The following PCDH15 variants were observed in gnomAD, a reference collection of about 807,000 sequenced individuals.
PCDH15 encodes protocadherin-15.
In PCDH15, 129 loss-of-function variants were observed where a neutral mutation model predicts 178.5. The ratio of observed to expected loss-of-function variants is 0.72; its 90% CI spans 0.63 to 0.84. PCDH15 has a LOEUF of 0.84. Among genes scored for constraint, PCDH15 ranks in the 40% least tolerant of loss-of-function variants. The pLI is 0.00. For missense variants in PCDH15, 2,230 were observed against 2,099.9 expected (o/e 1.06, Z -1.21); for synonymous variants, 800 against 732.0 (o/e 1.09, Z -1.50).
At chr10:54,309,588 G>A (rs1256130142) in intron 8 of PCDH15, among the ~76,000 whole-genome samples, 1 of 152,062 alleles carries the variant, frequency 6.6e-6, no homozygotes, top group East Asian at 1.9e-4. Flanking sequence ...GAGGTCAGGA[G>A]TTCGAGATCA....
At chr10:55,194,798 G>A (rs1029865319) in intron 1 of PCDH15, among the ~76,000 whole-genome samples, 2 of 151,598 alleles carry the variant, frequency 1.3e-5, no homozygotes, top group South Asian at 2.1e-4. Context: ...GTATGAATGA[G>A]AAGCACTACT....
intron 2 of PCDH15, among the ~76,000 whole-genome samples, chr10:55,586,386 C>A (rs1842727746): frequency 1.3e-5 from 2 of 151,884 alleles, no homozygotes; most frequent in South Asian, 4.2e-4. Context: ...AGAATAAATG[C>A]AAGCTACCAG....
intron 13 of PCDH15, among the ~76,000 whole-genome samples, chr10:54,174,186 T>C (rs2047185910): frequency 1.3e-5 from 2 of 152,006 alleles, no homozygotes; most frequent in Admixed American, 1.3e-4. Flanking sequence ...ACATAAATAA[T>C]ACTCATAGAA....
At chr10:55,178,075 T>G (rs1252383914) in intron 1 of PCDH15, among the ~76,000 whole-genome samples, 1 of 152,186 alleles carries the variant, frequency 6.6e-6, no homozygotes, top group Non-Finnish European at 1.5e-5. Context: ...TCCATGCCCA[T>G]GCCAATATCT....
intron 13 of PCDH15, among the ~76,000 whole-genome samples, chr10:54,175,688 C>A (rs1337552342): frequency 1.3e-5 from 2 of 152,250 alleles, no homozygotes; most frequent in Admixed American, 6.5e-5. Flanking sequence ...AACTAGCTAG[C>A]CTGCCTCCCA....
intron 3 of PCDH15, among the ~76,000 whole-genome samples, chr10:54,892,293 C>T (rs1038566290): frequency 8.5e-5 from 13 of 152,070 alleles, no homozygotes; most frequent in African/African-American, 2.9e-4. Flanking sequence ...ATAAATTTTA[C>T]TTTCTCAGTA....
intron 2 of PCDH15, among the ~76,000 whole-genome samples, chr10:54,996,061 A>T (rs549848103): frequency 2.0e-5 from 3 of 152,232 alleles, no homozygotes; most frequent in African/African-American, 7.2e-5. Flanking sequence ...CAGGACCTAT[A>T]CTGAACCCCT....
chr10:54,435,592 C>CA (rs1396466716), intron 3 of PCDH15, among the ~76,000 whole-genome samples: 10 of 152,096 alleles, frequency 6.6e-5, no homozygotes, highest in Admixed American at 2.0e-4. Flanking sequence ...ACAAGTCTTC[C>CA]AAGCTTATTT....
chr10:54,130,122 TCAGA>T (rs200082615), intron 15 of PCDH15, among the ~76,000 whole-genome samples: 3,153 of 151,968 alleles, frequency 0.021, 39 homozygotes, highest in South Asian at 0.044. Flanking sequence ...GATAAAAAAT[TCAGA>T]CAGACAAAGA....
rs543470076 is a variant in PCDH15 at position 54,584,850 on chromosome 10, A to G, written c.92-56973T>C. Among the ~76,000 whole-genome samples the G allele has an allele frequency of 2.4e-4, 36 of 152,298 alleles. No individual in the cohort carries two copies. The South Asian group carries it at 7.2e-3, about 31-fold the overall frequency. Reference sequence around the variant, plus strand: ...GAATGTGACCAAATGTCCATTAGCAATGATAGTCTAGTCATATAAAAATGT... The same window carrying G: ...GAATGTGACCAAATGTCCATTAGCAGTGATAGTCTAGTCATATAAAAATGT... On this transcript the variant is annotated intron_variant, in intron 2 of 37. Transcript: ENST00000644397.
At chr10:55,244,997 T>G (rs1158563675) in intron 1 of PCDH15, among the ~76,000 whole-genome samples, 1 of 152,114 alleles carries the variant, frequency 6.6e-6, no homozygotes, top group Admixed American at 6.6e-5. Context: ...CTGAAGGTTC[T>G]TCTTTTTTTT....
intron 25 of PCDH15, among the ~76,000 whole-genome samples, chr10:53,908,062 C>T (rs1219525368): frequency 6.6e-6 from 1 of 152,096 alleles, no homozygotes; most frequent in Non-Finnish European, 1.5e-5. Context: ...TCAAAGAAAG[C>T]CTTACTGAAT....
intron 1 of PCDH15, among the ~76,000 whole-genome samples, chr10:54,682,168 T>C (rs1225631140): frequency 1.6e-5 from 2 of 128,726 alleles, no homozygotes; most frequent in Non-Finnish European, 3.3e-5. Context: ...AGGATTAGAG[T>C]AGACAAACTA....
intron 1 of PCDH15, among the ~76,000 whole-genome samples, chr10:55,186,346 T>A (rs1839799275): frequency 6.6e-6 from 1 of 151,374 alleles, no homozygotes; most frequent in Non-Finnish European, 1.5e-5. Context: ...TTGTATTTTT[T>A]AAAAAACCAA....
chr10:54,931,197 G>T (rs139480628), intron 2 of PCDH15, among the ~76,000 whole-genome samples: 1 of 152,074 alleles, frequency 6.6e-6, no homozygotes, highest in East Asian at 1.9e-4. Context: ...TTATCCTCTG[G>T]GTTTTATCAT....
intron 2 of PCDH15, among the ~76,000 whole-genome samples, chr10:55,150,982 C>G (rs533827534): frequency 6.6e-6 from 1 of 152,244 alleles, no homozygotes; most frequent in African/African-American, 2.4e-5. Context: ...ATCTCTTCAT[C>G]CTTCTGAAGT....
At chr10:54,121,996 G>GACACAGACACACACACACAC (rs756158522) in intron 15 of PCDH15, among the ~76,000 whole-genome samples, 64 of 95,850 alleles carry the variant, frequency 6.7e-4, no homozygotes, top group South Asian at 1.7e-3. Flanking sequence ...ACCGGGCAAA[G>GACACAGACACACACACACAC]ACACATACAC....
At chr10:55,510,568 T>G (rs994206486) in intron 2 of PCDH15, among the ~76,000 whole-genome samples, 5 of 152,004 alleles carry the variant, frequency 3.3e-5, no homozygotes, top group Non-Finnish European at 7.4e-5. Context: ...TTTGATGAAC[T>G]AACTTCTGCT....
At chr10:55,127,321 C>A (rs986834796) in intron 2 of PCDH15, among the ~76,000 whole-genome samples, 1 of 152,008 alleles carries the variant, frequency 6.6e-6, no homozygotes, top group African/African-American at 2.4e-5. Context: ...CCTATTGCCT[C>A]CAAGCCAAAT....
Sources: gnomAD v4.1 joint callset for allele counts (sites outside exome capture counted in the v4.1 genomes callset) on GRCh38, gnomAD v4.1.1 for gene constraint, MANE v1.5 for transcripts, NCBI Gene and HGNC (gene_info 2026-07-23, HGNC 2026-07-21) for gene names.